The following DPP6 variants were observed in gnomAD, a reference collection of about 807,000 sequenced individuals.
DPP6 encodes the protein A-type potassium channel modulatory protein DPP6.
A neutral mutation model predicts 122.6 loss-of-function variants in DPP6; 69 were observed. The ratio of observed to expected loss-of-function variants is 0.56; its 90% confidence interval spans 0.46 to 0.69. The LOEUF (loss-of-function observed/expected upper bound fraction) is 0.69, where lower values mean the gene tolerates loss of function less well. DPP6 is among the 30% of genes least tolerant of loss of function. DPP6 has a pLI of 0.00. For synonymous variants in DPP6, 418 were observed against 433.1 expected (o/e 0.97, Z 0.43); for missense variants, 928 against 1,116.9 (o/e 0.83, Z 2.41).
At chr7:154,370,068 C>T (rs1216768528) in intron 1 of DPP6, among the ~76,000 whole-genome samples, 2 of 151,888 alleles carry the variant, frequency 1.3e-5, no homozygotes, top group African/African-American at 2.4e-5. Context: ...CTGCAACCTC[C>T]GCCTCTTGGG....
intron 1 of DPP6, among the ~76,000 whole-genome samples, chr7:154,151,228 C>T (rs539969293): frequency 1.8e-4 from 27 of 152,272 alleles, no homozygotes; most frequent in Non-Finnish European, 2.9e-4. Flanking sequence ...TGCTTCTGCC[C>T]GCCCCAGGAT....
chr7:153,836,995 G>A, the DPP6 span, among the ~76,000 whole-genome samples: 3 of 152,152 alleles, frequency 2.0e-5, no homozygotes, highest in East Asian at 1.9e-4. Context: ...CAGGGCCATC[G>A]GTGTGCCTAC....
intron 1 of DPP6, among the ~76,000 whole-genome samples, chr7:154,093,163 CCA>C (rs113157285): frequency 0.3 from 44,565 of 150,540 alleles, 6,736 homozygotes; most frequent in Admixed American, 0.38. Flanking sequence ...ATCATACACA[CCA>C]CACACACACC....
intron 6 of DPP6, among the ~76,000 whole-genome samples, chr7:154,647,548 A>C (rs897021457): frequency 6.6e-6 from 1 of 152,148 alleles, no homozygotes; most frequent in Non-Finnish European, 1.5e-5. Context: ...GTCCACATCA[A>C]GGGGCACCAG....
At chr7:154,752,127 T>C (rs555542378) in intron 8 of DPP6, among the ~76,000 whole-genome samples, 3 of 152,196 alleles carry the variant, frequency 2.0e-5, no homozygotes, top group Non-Finnish European at 4.4e-5. Context: ...ATGTAAAGAC[T>C]GAACTAAGCT....
At chr7:154,549,597 T>TA (rs954253680) in intron 4 of DPP6, among the ~76,000 whole-genome samples, 2 of 152,130 alleles carry the variant, frequency 1.3e-5, no homozygotes, top group African/African-American at 4.8e-5. Context: ...CTCTTTTGAT[T>TA]AAAAAAACAA....
chr7:153,987,065 GT>G (rs1299883060), intron 1 of DPP6, among the ~76,000 whole-genome samples: 6 of 152,234 alleles, frequency 3.9e-5, no homozygotes, highest in Non-Finnish European at 5.9e-5. Context: ...TGCTCAGAAA[GT>G]AAGCATTTAA....
the DPP6 span, among the ~76,000 whole-genome samples, chr7:153,824,386 C>CAAAAAAAA: frequency 2.6e-4 from 21 of 79,430 alleles, no homozygotes; most frequent in Admixed American, 4.9e-4. Context: ...GAGTCTGTCT[C>CAAAAAAAA]AAAAAAAAAA....
chr7:153,842,408 TA>T, the DPP6 span, among the ~76,000 whole-genome samples: 177 of 152,192 alleles, frequency 1.2e-3, no homozygotes, highest in Non-Finnish European at 2.0e-3. Context: ...TTCCTGTAGT[TA>T]ATATTCTCAT....
rs1804957672 is a variant in DPP6, at chr7:154,877,329, C to G, written c.2078+1229C>G. 6.6e-6 allele frequency among the ~76,000 whole-genome samples: 1 copy of G among 152,088 alleles called. No individual in the cohort carries two copies. The highest frequency in any genetic ancestry group is 1.5e-5 in the Non-Finnish European group (1 of 68,014). On this transcript the variant is annotated intron_variant, in intron 20 of 25. Coordinates refer to ENST00000377770, the MANE Select transcript of DPP6 (RefSeq NM_130797.4). The surrounding 1 kb of genome is among the most constrained non-coding windows in gnomAD (Gnocchi z 5.2). ...ACGGAGCGGGAGAGCTCTCAGGACT[C>G]AGATACTCAGGGAAGGAGTGTCTGC...
chr7:154,469,449 C>T (rs1362300771), intron 2 of DPP6, among the ~76,000 whole-genome samples: 3 of 152,152 alleles, frequency 2.0e-5, no homozygotes, highest in Non-Finnish European at 4.4e-5. Context: ...CCACGGCTTC[C>T]TTCCGTCTCT....
the DPP6 span, among the ~76,000 whole-genome samples, chr7:153,751,866 T>C: frequency 5.9e-5 from 9 of 151,402 alleles, no homozygotes; most frequent in Non-Finnish European, 1.0e-4. Context: ...ATTGAGTTTC[T>C]TTGCTTAGAG....
chr7:153,847,782 A>G, the DPP6 span, among the ~76,000 whole-genome samples: 1 of 152,136 alleles, frequency 6.6e-6, no homozygotes, highest in South Asian at 2.1e-4. Flanking sequence ...ATCGCCTTCT[A>G]TAGGGCTGTT....
intron 6 of DPP6, among the ~76,000 whole-genome samples, chr7:154,667,407 T>C (rs1284343234): frequency 6.6e-6 from 1 of 152,204 alleles, no homozygotes; most frequent in Non-Finnish European, 1.5e-5. Flanking sequence ...TAACCTATGC[T>C]TATGAGAATA....
intron 1 of DPP6, among the ~76,000 whole-genome samples, chr7:153,948,565 G>T (rs1218964251): frequency 3.3e-5 from 5 of 151,680 alleles, no homozygotes; most frequent in African/African-American, 1.2e-4. Flanking sequence ...TGTTAATACT[G>T]AGATAATTGT....
intron 7 of DPP6, among the ~76,000 whole-genome samples, chr7:154,712,962 C>G (rs1841278283): frequency 6.6e-6 from 1 of 152,204 alleles, no homozygotes; most frequent in South Asian, 2.1e-4. Context: ...AGGCAAGTCC[C>G]TTTTGCCTAT....
intron 1 of DPP6, among the ~76,000 whole-genome samples, chr7:154,297,303 G>T (rs567241571): frequency 4.6e-5 from 7 of 152,078 alleles, no homozygotes; most frequent in Non-Finnish European, 5.9e-5. Context: ...TCCTGTTGTG[G>T]TACATAGGCA....
At chr7:154,051,230 G>T (rs1462483332), upstream of DPP6, among the ~76,000 whole-genome samples, 2 of 120,306 alleles carry the variant, frequency 1.7e-5, 1 homozygote. Context: ...GAAGGAGGCG[G>T]CGGAATGGGC....
intron 3 of DPP6, among the ~76,000 whole-genome samples, chr7:154,490,806 C>T (rs1824213881): frequency 6.6e-6 from 1 of 152,140 alleles, no homozygotes; most frequent in Non-Finnish European, 1.5e-5. Context: ...TTTATTCAGA[C>T]CCTGAGCCTC....
Sources: gnomAD v4.1 joint callset for allele counts (sites outside exome capture counted in the v4.1 genomes callset) on GRCh38, gnomAD v4.1.1 for gene constraint, Gnocchi (gnomAD v3.1) non-coding constraint, MANE v1.5 for transcripts, NCBI Gene and HGNC (gene_info 2026-07-23, HGNC 2026-07-21) for gene names.